The following GLUL variants were observed in gnomAD, a reference collection of about 807,000 sequenced individuals.
GLUL encodes the protein glutamine synthetase.
Under a neutral mutation model 36.9 loss-of-function variants are expected in GLUL, and 8 were observed. The ratio of observed to expected loss-of-function variants is 0.22; its 90% CI spans 0.13 to 0.39. The LOEUF is 0.39. Ranked by LOEUF, GLUL falls within the 10% of genes least tolerant of loss-of-function variation. The probability of loss-of-function intolerance (pLI) is 1.00; values close to 1 mark genes in which losing one functional copy is unlikely to be tolerated. For synonymous variants in GLUL, 182 were observed against 172.8 expected, an observed-to-expected ratio of 1.05 and a Z score of -0.42; for missense variants, 315 against 501.8, an observed-to-expected ratio of 0.63 and a Z score of 3.56.
rs1558157160 is a variant in GLUL at position 182,384,524 on chromosome 1, CCTT to C, written c.1000_1002del (p.Lys334del). ...GAGGGGCGACGATCTTCAAAGTAAC[CCTT>C]CTTCTCCTGGCCAACAGTCCGGGGA... On this transcript the variant is annotated inframe_deletion, in exon 7 of 7. Coordinates refer to ENST00000331872, the MANE Select transcript of GLUL (RefSeq NM_001033044.4). The C allele has an allele frequency of 2.5e-6, 4 of 1,614,116 alleles. No homozygotes were observed. Among genetic ancestry groups the C allele is most frequent in the Non-Finnish European group, 2.5e-6 (3 of 1,179,990 alleles).
chr1:182,387,680 T>C (rs893044801), intron 2 of GLUL, among the ~76,000 whole-genome samples: 2 of 152,228 alleles, frequency 1.3e-5, no homozygotes, highest in Non-Finnish European at 1.5e-5. Context: ...CCCCAGTGTA[T>C]TCTGGCAAGT....
chr1:182,386,528 C>T, intron 3 of GLUL, 126 bp from the exon 4 acceptor site: 1 of 793,358 alleles, frequency 1.3e-6, no homozygotes, highest in Non-Finnish European at 2.3e-6. Context: ...ATGAACTGAC[C>T]CAGTATAGGC....
intron 4 of GLUL, 151 bp downstream of exon 4, chr1:182,386,105 C>A: frequency 1.1e-6 from 1 of 905,146 alleles, no homozygotes; most frequent in Non-Finnish European, 1.9e-6. Flanking sequence ...TATTCATATC[C>A]ATTTTTGGAC....
chr1:182,390,862 C>T (rs952319670), intron 1 of GLUL: 12 of 399,038 alleles, frequency 3.0e-5, no homozygotes, highest in African/African-American at 2.1e-4. Context: ...GCTTCCCGCC[C>T]CCGAGGGAGT....
chr1:182,390,403 C>T, intron 1 of GLUL: 1 of 398,152 alleles, frequency 2.5e-6, no homozygotes, highest in Non-Finnish European at 4.4e-6. Context: ...TGCTGCGGTG[C>T]CAAGTTTACG....
chr1:182,387,585 T>G (rs1312361907), intron 2 of GLUL, among the ~76,000 whole-genome samples: 1 of 152,198 alleles, frequency 6.6e-6, no homozygotes, highest in Non-Finnish European at 1.5e-5. Context: ...CTGTTATCAC[T>G]ACCATCCTAT....
In GLUL at chr1:182,383,995, C is replaced by A; in HGVS notation, c.*410G>T. ...ATAACTTTTTAAGAAAAGTTTCCAC[C>A]ACGAGGGCAAGTCCTAACCTAACCA... On this transcript the variant is annotated 3_prime_UTR_variant, in exon 7 of 7. Transcript: ENST00000331872. 1.1e-5 allele frequency: 2 copies of A among 187,714 alleles called. No individual in the cohort carries two copies. The highest frequency in any genetic ancestry group is 2.3e-5 in the Non-Finnish European group (2 of 87,840). 11.6% of individuals were successfully genotyped at this position (187,714 alleles called of 1,614,324 possible). A position where few individuals can be genotyped will look rare whatever the true frequency, so the allele number is the denominator to read the frequency against.
chr1:182,385,285 A>G, intron 6 of GLUL, 72 bp downstream of exon 6: 1 of 1,142,692 alleles, frequency 8.8e-7, no homozygotes, highest in Non-Finnish European at 1.3e-6. Flanking sequence ...GACTTTGCTG[A>G]GAGATTGCTA....
chr1:182,380,824 C>T lies in GLUL; in HGVS notation c.*3581G>A, dbSNP rs1159633425. On this transcript the variant is annotated 3_prime_UTR_variant, in exon 7 of 7. Transcript: ENST00000331872. Reference sequence around the variant, plus strand: ...ATGAAGTTCAACTAGAAAGTCCTGTCGAATGATGAGACATCTTTCTTTGGG... The same window carrying T: ...ATGAAGTTCAACTAGAAAGTCCTGTTGAATGATGAGACATCTTTCTTTGGG... 2.6e-5 allele frequency among the ~76,000 whole-genome samples: 4 copies of T among 152,230 alleles called. No individual in the cohort carries two copies. Among genetic ancestry groups the T allele is most frequent in the East Asian group, 3.8e-4 (2 of 5,198 alleles).
chr1:182,385,698 T>A (rs1650145731), intron 5 of GLUL, 62 bp downstream of exon 5: 2 of 1,600,334 alleles, frequency 1.2e-6, no homozygotes, highest in Non-Finnish European at 1.7e-6. Context: ...CAGCCCTTAC[T>A]AGCAAAAGTC....
intron 1 of GLUL, chr1:182,391,100 G>A: frequency 2.5e-6 from 1 of 398,456 alleles, no homozygotes; most frequent in Non-Finnish European, 4.4e-6. Flanking sequence ...CGAGGCCCGG[G>A]CTCTCCATTG....
rs1461165891 is a variant in GLUL, at chr1:182,391,788, T to G, written c.-123A>C. 6.6e-6 allele frequency: 1 copy of G among 152,382 alleles called. No individual in the cohort carries two copies. Among genetic ancestry groups the G allele is most frequent in the Non-Finnish European group, 1.5e-5 (1 of 68,232 alleles). The allele number at this position is 152,382 out of a possible 1,614,324, so 9.4% of individuals were successfully genotyped here. On this transcript the variant is annotated 5_prime_UTR_variant, in exon 1 of 7. Coordinates refer to ENST00000331872, the MANE Select transcript of GLUL (RefSeq NM_001033044.4). ...GCTCCGCTCTTCTCCCACTCTCGAC[T>G]CTGCAGAGCCGCCAGCAGCCCCGCA...
intron 1 of GLUL, chr1:182,390,591 C>T: frequency 7.5e-6 from 3 of 399,218 alleles, no homozygotes; most frequent in Non-Finnish European, 8.8e-6. Flanking sequence ...TTCTCAGACT[C>T]TAGCTGGTCC....
Position 182,384,318 on chromosome 1 carries a change from G to C in GLUL, c.*87C>G. 2.2e-6 allele frequency: 2 copies of C among 921,080 alleles called. No individual in the cohort carries two copies. The highest frequency in any genetic ancestry group is 2.8e-5 in the South Asian group (2 of 72,148). The allele number at this position is 921,080 out of a possible 1,614,324, so 57.1% of individuals were successfully genotyped here. A position where few individuals can be genotyped will look rare whatever the true frequency, so the allele number is the denominator to read the frequency against. ...ACGACCTTGATATTCCACCCTTTGA[G>C]TTACAATCGGGACAACTGGGAGAGG... On this transcript the variant is annotated 3_prime_UTR_variant, in exon 7 of 7. Coordinates refer to ENST00000331872, the MANE Select transcript of GLUL (RefSeq NM_001033044.4).
At position 182,386,138 on chromosome 1, in the gene GLUL, C is replaced by T. The variant is rs913598961; in HGVS notation, c.475+118G>A. Reference sequence around the variant, plus strand: ...GACTTTGGTGATGTGAGGGCTGTTTCGCCTTTACTGTATTATTTTGCTTCT... The same window carrying T: ...GACTTTGGTGATGTGAGGGCTGTTTTGCCTTTACTGTATTATTTTGCTTCT... On this transcript the variant is annotated intron_variant, in intron 4 of 6. Transcript: ENST00000331872. 111 of 1,068,396 alleles carry T rather than the reference C, an allele frequency of 1.0e-4. 1 individual carries two copies. The East Asian group carries it at 1.9e-3, about 18-fold the overall frequency. 66.2% of individuals were successfully genotyped at this position (1,068,396 alleles called of 1,614,324 possible). A position where few individuals can be genotyped will look rare whatever the true frequency, so the allele number is the denominator to read the frequency against.
chr1:182,381,869 C>G lies in GLUL; in HGVS notation c.*2536G>C, dbSNP rs1193336494. The G allele has an allele frequency of 6.6e-6, 1 of 152,118 alleles. No individual in the cohort carries two copies. Among genetic ancestry groups the G allele is most frequent in the Non-Finnish European group, 1.5e-5 (1 of 68,022 alleles). The allele number at this position is 152,118 out of a possible 1,614,324, so 9.4% of individuals were successfully genotyped here. A position where few individuals can be genotyped will look rare whatever the true frequency, so the allele number is the denominator to read the frequency against. On this transcript the variant is annotated 3_prime_UTR_variant, in exon 7 of 7. Transcript: ENST00000331872. The stretch of plus-strand genomic sequence containing the variant: ...ATTTAACAACAAAATCAAGAAAATG[C>G]TAAGGATGAAACAGGGTACTCAACA...
At position 182,383,824 on chromosome 1, in the gene GLUL, ATCAGTT is replaced by A. The variant is rs1388167995; in HGVS notation, c.*575_*580del. On this transcript the variant is annotated 3_prime_UTR_variant, in exon 7 of 7. Transcript: ENST00000331872. ...TTCTTCTTTCAAGGTAGGGATATCC[ATCAGTT>A]TATACTAAGCTTCGTGTTCAGAGCA... 6.4e-6 allele frequency: 1 copy of A among 156,638 alleles called. No individual in the cohort carries two copies. The highest frequency in any genetic ancestry group is 2.4e-5 in the African/African-American group (1 of 41,460). The allele number at this position is 156,638 out of a possible 1,614,324, so 9.7% of individuals were successfully genotyped here. A position where few individuals can be genotyped will look rare whatever the true frequency, so the allele number is the denominator to read the frequency against.
chr1:182,387,840 T>C (rs2101935651), intron 2 of GLUL, among the ~76,000 whole-genome samples: 1 of 152,338 alleles, frequency 6.6e-6, no homozygotes, highest in South Asian at 2.1e-4. Flanking sequence ...GAGACGAGAC[T>C]CTCACTTTGT....
intron 1 of GLUL, chr1:182,389,811 G>T (rs1305033668): frequency 1.3e-5 from 2 of 152,250 alleles, no homozygotes; most frequent in Non-Finnish European, 2.9e-5. Flanking sequence ...GTTTCTACGG[G>T]CAACCGTCCA....
Sources: gnomAD v4.1 joint callset for allele counts (sites outside exome capture counted in the v4.1 genomes callset) on GRCh38, gnomAD v4.1.1 for gene constraint, MANE v1.5 for transcripts, NCBI Gene and HGNC (gene_info 2026-07-23, HGNC 2026-07-21) for gene names.